CHAF1A: variants seen among roughly 807,000 people sequenced by gnomAD.
CHAF1A encodes CAF-1 subunit A.
CHAF1A carries 5 observed loss-of-function variants against 93.2 expected under a neutral mutation model. The observed-to-expected ratio is 0.05, with a 90% CI of 0.03 to 0.11. The LOEUF (loss-of-function observed/expected upper bound fraction) is 0.11, where lower values mean the gene tolerates loss of function less well. Ranked by LOEUF, CHAF1A falls within the 10% of genes least tolerant of loss-of-function variation. The pLI, the probability that CHAF1A is intolerant of heterozygous loss-of-function variation, is 1.00. For missense variants in CHAF1A, 1,102 were observed against 1,259.9 expected (o/e 0.87, Z 1.90); for synonymous variants, 504 against 510.3 (o/e 0.99, Z 0.17).
chr19:4,431,457 G>C (rs1974181531), intron 11 of CHAF1A, among the ~76,000 whole-genome samples: 2 of 152,020 alleles, frequency 1.3e-5, no homozygotes, highest in South Asian at 4.2e-4. Flanking sequence ...AGTTGTTTTT[G>C]GTCCTGTTTT....
At chr19:4,445,507 C>T (rs1230563945), downstream of CHAF1A, 9 of 1,613,940 alleles carry the variant, frequency 5.6e-6, no homozygotes, top group Non-Finnish European at 5.9e-6. Context: ...TTCACAAGAG[C>T]TTCTCGATGG....
In CHAF1A at chr19:4,433,609, T is replaced by G. The variant is rs534519975; in HGVS notation, c.2673+70T>G. On this transcript the variant is annotated intron_variant, in intron 13 of 14. Coordinates refer to ENST00000301280, the MANE Select transcript of CHAF1A (RefSeq NM_005483.3). This position sits in a 1 kb window ranked among gnomAD's most constrained non-coding sequence, Gnocchi z 5.6. ...TTTTTGTTTGTTTTTTGTTGTTTTGTTTTTTTTTCGAGATGGAGTCCTGCT... is the reference window on the plus strand; with the variant it reads ...TTTTTGTTTGTTTTTTGTTGTTTTGGTTTTTTTTCGAGATGGAGTCCTGCT... The G allele has an allele frequency of 2.9e-5, 38 of 1,302,910 alleles. No homozygotes were observed. The highest frequency in any genetic ancestry group is 4.9e-5 in the East Asian group (2 of 40,560). The allele number at this position is 1,302,910 out of a possible 1,614,324, so 80.7% of individuals were successfully genotyped here.
intron 2 of CHAF1A, among the ~76,000 whole-genome samples, chr19:4,407,726 T>C (rs1388484005): frequency 6.6e-6 from 1 of 152,044 alleles, no homozygotes; most frequent in Non-Finnish European, 1.5e-5. Flanking sequence ...GGCGGGCAGA[T>C]CACCTGAGGT....
downstream of CHAF1A, chr19:4,445,717 G>T: frequency 6.5e-7 from 1 of 1,536,322 alleles, no homozygotes; most frequent in Non-Finnish European, 8.7e-7. Context: ...GGATGCCCCG[G>T]CCTGGAAGCC....
At chr19:4,412,297 C>T (rs1973819763) in intron 3 of CHAF1A, among the ~76,000 whole-genome samples, 2 of 152,250 alleles carry the variant, frequency 1.3e-5, no homozygotes, top group South Asian at 2.1e-4. Flanking sequence ...AATCCCAGCA[C>T]TTTGGGACGC....
chr19:4,433,284 A>C lies in CHAF1A; in HGVS notation c.2418A>C (p.Ser806=). ...TCAAGCGGCTCATTTCCGAGAACTC[A>C]GTGTATGAGAAGCGGCCTGACTTCA... is the stretch of plus-strand genomic sequence containing the variant. ...SRLKRLISEN[S]VYEKRPDFRM... Residue 806 remains serine (S), a synonymous_variant, in exon 13 of 15, where the codon TCA becomes TCC. Coordinates refer to ENST00000301280, the MANE Select transcript of CHAF1A (RefSeq NM_005483.3). This position sits in a 1 kb window ranked among gnomAD's most constrained non-coding sequence, Gnocchi z 5.6. 5 of 1,614,062 alleles carry C rather than the reference A, an allele frequency of 3.1e-6. No individual in the cohort carries two copies. Among genetic ancestry groups the C allele is most frequent in the Non-Finnish European group, 4.2e-6 (5 of 1,180,010 alleles).
At chr19:4,447,070 T>C (rs779496451), downstream of CHAF1A, 1 of 693,530 alleles carries the variant, frequency 1.4e-6, no homozygotes, top group Non-Finnish European at 2.4e-6. Flanking sequence ...CAGTGCTGGA[T>C]GCAAACCTGC....
chr19:4,445,182 C>A, downstream of CHAF1A: 1 of 351,654 alleles, frequency 2.8e-6, no homozygotes, highest in Non-Finnish European at 5.4e-6. Flanking sequence ...CAGGCCTGCT[C>A]TCCTGCCCAG....
intron 1 of CHAF1A, among the ~76,000 whole-genome samples, chr19:4,404,049 G>A (rs1292787644): frequency 1.3e-5 from 2 of 151,212 alleles, no homozygotes; most frequent in African/African-American, 4.9e-5. Flanking sequence ...TCGAACTTCT[G>A]ACCTCAGGTA....
At chr19:4,424,456 T>C (rs1009571788) in intron 7 of CHAF1A, among the ~76,000 whole-genome samples, 3 of 152,212 alleles carry the variant, frequency 2.0e-5, no homozygotes, top group African/African-American at 4.8e-5. Flanking sequence ...TCATTCTTTT[T>C]AATGTATCTG....
chr19:4,445,300 C>T (rs574873146), downstream of CHAF1A: 94 of 850,142 alleles, frequency 1.1e-4, 1 homozygote, highest in Admixed American at 4.1e-4. Context: ...GGGGCTTGGG[C>T]GCATCCCCAC....
intron 3 of CHAF1A, among the ~76,000 whole-genome samples, chr19:4,414,879 CT>C (rs1343627356): frequency 6.6e-6 from 1 of 152,182 alleles, no homozygotes; most frequent in Non-Finnish European, 1.5e-5. Flanking sequence ...GAGGTTTTCT[CT>C]TTTCCCCCCT....
rs1199389848 is a variant in CHAF1A at position 4,403,828 on chromosome 19, T to G, written c.52+1014T>G. Among the ~76,000 whole-genome samples, 3 of 152,228 alleles carry G rather than the reference T, an allele frequency of 2.0e-5. No individual in the cohort carries two copies. In the South Asian group the frequency reaches 6.2e-4, roughly 31 times the overall value. ...TAAAGTTGGTACTGTCGTGGAGCTG[T>G]GATGTTTTAAGTCAGGATGTTTAAC... On this transcript the variant is annotated intron_variant, in intron 1 of 14. Coordinates refer to ENST00000301280, the MANE Select transcript of CHAF1A (RefSeq NM_005483.3).
intron 3 of CHAF1A, among the ~76,000 whole-genome samples, chr19:4,414,599 G>C (rs181651876): frequency 1.2e-4 from 18 of 152,132 alleles, no homozygotes; most frequent in Admixed American, 1.3e-4. Flanking sequence ...GTTACTCAAG[G>C]GTGTCTTAGA....
At chr19:4,403,945 A>G (rs986554680) in intron 1 of CHAF1A, among the ~76,000 whole-genome samples, 1 of 152,092 alleles carries the variant, frequency 6.6e-6, no homozygotes, top group Non-Finnish European at 1.5e-5. Context: ...TCAGCCTCCC[A>G]AGTAGCTGGG....
At position 4,413,935 on chromosome 19, in the gene CHAF1A, C is replaced by T. The variant is rs144610986; in HGVS notation, c.961-4085C>T. Reference sequence around the variant, plus strand: ...GGGAAAGAACCATTTCTGAAGTTTGCAATCAGACTTGTGATTTAGCCTCTT... The same window carrying T: ...GGGAAAGAACCATTTCTGAAGTTTGTAATCAGACTTGTGATTTAGCCTCTT... On this transcript the variant is annotated intron_variant, in intron 3 of 14. Coordinates refer to ENST00000301280, the MANE Select transcript of CHAF1A (RefSeq NM_005483.3). Among the ~76,000 whole-genome samples the T allele has an allele frequency of 6.7e-3, 1,017 of 152,276 alleles. 7 individuals are homozygous for T. The highest frequency in any genetic ancestry group is 0.017 in the Middle Eastern group (5 of 294).
Position 4,442,277 on chromosome 19 carries a change from A to T in CHAF1A, c.2706A>T (p.Ala902=). 1 of 1,613,994 alleles carries T rather than the reference A, an allele frequency of 6.2e-7. No individual in the cohort carries two copies. The highest frequency in any genetic ancestry group is 1.3e-5 in the African/African-American group (1 of 75,070). The change falls in exon 14 of 15, where the codon GCA becomes GCT. Residue 902 remains alanine, a synonymous_variant. Coordinates refer to ENST00000301280, the MANE Select transcript of CHAF1A (RefSeq NM_005483.3). ...IGAEDMDGFQ[A]DTEEEEEEEG... is the part of the protein sequence containing the mutation. Reference sequence around the variant, plus strand: ...CTGAAGACATGGACGGCTTCCAGGCAGACACGGAGGAGGAGGAAGAGGAGG... The same window carrying T: ...CTGAAGACATGGACGGCTTCCAGGCTGACACGGAGGAGGAGGAAGAGGAGG...
At chr19:4,447,935 A>C, downstream of CHAF1A, 1 of 494,672 alleles carries the variant, frequency 2.0e-6, no homozygotes, top group South Asian at 2.2e-5. Context: ...GCCAGAGCTG[A>C]AGGGCCGCAG....
chr19:4,411,510 G>T (rs1973797490), intron 3 of CHAF1A, among the ~76,000 whole-genome samples: 1 of 151,984 alleles, frequency 6.6e-6, no homozygotes, highest in African/African-American at 2.4e-5. Context: ...GATTATAGGC[G>T]TGAGCCACTG....
Sources: gnomAD v4.1 joint callset for allele counts (sites outside exome capture counted in the v4.1 genomes callset) on GRCh38, gnomAD v4.1.1 for gene constraint, Gnocchi (gnomAD v3.1) non-coding constraint, MANE v1.5 for transcripts, NCBI Gene and HGNC (gene_info 2026-07-23, HGNC 2026-07-21) for gene names.